Variants in WAC observed in about 807,000 individuals in gnomAD.
The protein encoded by WAC is WW domain containing adaptor with coiled-coil, also known as WW domain-containing adapter protein with coiled-coil.
Under a neutral mutation model 79.6 loss-of-function variants are expected in WAC, and 11 were observed. The ratio of observed to expected loss-of-function variants is 0.14; its 90% CI spans 0.09 to 0.23. The LOEUF (loss-of-function observed/expected upper bound fraction) is 0.23. WAC is among the 10% of genes least tolerant of loss of function. The pLI, the probability that WAC is intolerant of heterozygous loss-of-function variation, is 1.00. For missense variants in WAC, 728 were observed against 773.5 expected (o/e 0.94, Z 0.70); for synonymous variants, 304 against 276.9 (o/e 1.10, Z -0.97).
intron 7 of WAC, among the ~76,000 whole-genome samples, chr10:28,606,729 C>T (rs1840972828): frequency 1.3e-5 from 2 of 152,244 alleles, no homozygotes; most frequent in Admixed American, 1.3e-4. Context: ...AAACAGAGTG[C>T]TGTTGTGATA....
chr10:28,538,310 C>T, intron 3 of WAC: 1 of 332,888 alleles, frequency 3.0e-6, no homozygotes, highest in South Asian at 2.2e-5. Flanking sequence ...CAGGCCGGGT[C>T]AGTGGCTCAC....
At chr10:28,539,738 T>C (rs1170698160) in intron 3 of WAC, among the ~76,000 whole-genome samples, 1 of 152,128 alleles carries the variant, frequency 6.6e-6, no homozygotes, top group African/African-American at 2.4e-5. Context: ...TTTGTATTTT[T>C]AGTAGAAATA....
chr10:28,598,041 T>TA (rs1403045940), intron 7 of WAC, among the ~76,000 whole-genome samples: 1 of 152,180 alleles, frequency 6.6e-6, no homozygotes, highest in African/African-American at 2.4e-5. Context: ...GTGCTGGGAT[T>TA]ACAGGTGCGA....
intron 3 of WAC, among the ~76,000 whole-genome samples, chr10:28,560,864 T>C (rs985854380): frequency 3.9e-5 from 6 of 152,154 alleles, no homozygotes; most frequent in Admixed American, 6.5e-5. Context: ...ACTCCTGCTG[T>C]AGACAGGAAG....
intron 3 of WAC, among the ~76,000 whole-genome samples, chr10:28,567,796 C>G (rs1017232849): frequency 5.3e-5 from 8 of 152,218 alleles, no homozygotes; most frequent in South Asian, 2.1e-4. Context: ...ACTTTATAGC[C>G]CAAGCTGGAG....
intron 3 of WAC, among the ~76,000 whole-genome samples, chr10:28,577,978 C>T (rs1291181451): frequency 6.6e-6 from 1 of 152,036 alleles, no homozygotes; most frequent in Admixed American, 6.6e-5. Flanking sequence ...GCCTGGCCAA[C>T]AAAGTGAACG....
intron 3 of WAC, among the ~76,000 whole-genome samples, chr10:28,574,595 A>G (rs1156285530): frequency 1.3e-5 from 2 of 148,976 alleles, no homozygotes; most frequent in Non-Finnish European, 3.0e-5. Context: ...GGCACACAGC[A>G]CCGCACCCAG....
chr10:28,622,183 G>A lies in WAC; in HGVS notation c.*2577G>A, dbSNP rs1162677144. ...TGAGCCACCGCTCCTGGCCAGTAGT[G>A]AATTTTTAAACACAGAAAATCTAAA... On this transcript the variant is annotated 3_prime_UTR_variant, in exon 14 of 14. Transcript: ENST00000354911. The A allele has an allele frequency of 6.6e-6, 1 of 152,076 alleles. No homozygotes were observed. The highest frequency in any genetic ancestry group is 1.5e-5 in the Non-Finnish European group (1 of 67,984). The allele number at this position is 152,076 out of a possible 1,614,324, so 9.4% of individuals were successfully genotyped here. A position where few individuals can be genotyped will look rare whatever the true frequency, so the allele number is the denominator to read the frequency against.
intron 7 of WAC, among the ~76,000 whole-genome samples, chr10:28,601,742 A>G (rs963162360): frequency 2.0e-5 from 3 of 152,216 alleles, no homozygotes; most frequent in Non-Finnish European, 4.4e-5. Flanking sequence ...ATTCTGATAC[A>G]TGCTACAACA....
rs748252340 is a variant in WAC, at chr10:28,590,700, A to G, written c.498-20A>G. The stretch of plus-strand genomic sequence containing the variant: ...CCCTTAATGTAATTTTTATATGTTT[A>G]TCTTTTTTTTTATTTTTAGAGAACA... On this transcript the variant is annotated intron_variant, in intron 5 of 13. Transcript: ENST00000354911. 6.5e-7 allele frequency: 1 copy of G among 1,549,928 alleles called. No homozygotes were observed. Among genetic ancestry groups the G allele is most frequent in the Non-Finnish European group, 8.7e-7 (1 of 1,146,926 alleles).
intron 3 of WAC, among the ~76,000 whole-genome samples, chr10:28,552,872 T>TTTTTTTTTTTTA (rs1554780005): frequency 7.1e-6 from 1 of 140,622 alleles, no homozygotes. Flanking sequence ...TTTTTTTGTC[T>TTTTTTTTTTTTA]TCTTGGGTAA....
Position 28,595,587 on chromosome 10 carries a change from T to C in WAC, c.611-146T>C, listed in dbSNP as rs1840318985. Reference sequence around the variant, plus strand: ...ATGCTAGTGGTAAAACTGCAGACACTAACTGGGTTTGCAGTTTTATAAAAG... The same window carrying C: ...ATGCTAGTGGTAAAACTGCAGACACCAACTGGGTTTGCAGTTTTATAAAAG... On this transcript the variant is annotated intron_variant, in intron 6 of 13. Transcript: ENST00000354911. 4 of 758,682 alleles carry C rather than the reference T, an allele frequency of 5.3e-6. No homozygotes were observed. In the Admixed American group the frequency reaches 1.2e-4, roughly 22 times the overall value. 47.0% of individuals were successfully genotyped at this position (758,682 alleles called of 1,614,324 possible). A position where few individuals can be genotyped will look rare whatever the true frequency, so the allele number is the denominator to read the frequency against.
intron 3 of WAC, among the ~76,000 whole-genome samples, chr10:28,576,813 T>C (rs184501495): frequency 1.0e-3 from 154 of 152,318 alleles, no homozygotes; most frequent in African/African-American, 3.2e-3. Context: ...AGTTTTAAGT[T>C]TTTTAGTAGC....
chr10:28,533,665 C>A (rs1180564299), intron 1 of WAC, 45 bp downstream of exon 1: 17 of 1,425,542 alleles, frequency 1.2e-5, no homozygotes, highest in Non-Finnish European at 1.6e-5. Flanking sequence ...CGGGGGGCGG[C>A]GGCGGGGGGG....
In WAC at chr10:28,620,013, C is replaced by G. The variant is rs1841634159; in HGVS notation, c.*407C>G. The G allele has an allele frequency of 6.6e-6, 1 of 152,654 alleles. No homozygotes were observed. Among genetic ancestry groups the G allele is most frequent in the Non-Finnish European group, 1.5e-5 (1 of 68,922 alleles). The allele number at this position is 152,654 out of a possible 1,614,324, so 9.5% of individuals were successfully genotyped here. The stretch of plus-strand genomic sequence containing the variant: ...GTTAATTTATCATTCAGAAATCTTG[C>G]ATTTTCAAAAATTCAGTGCAAGCGC... On this transcript the variant is annotated 3_prime_UTR_variant, in exon 14 of 14. Coordinates refer to ENST00000354911, the MANE Select transcript of WAC (RefSeq NM_016628.5).
intron 3 of WAC, among the ~76,000 whole-genome samples, chr10:28,538,974 C>T (rs1247078236): frequency 2.6e-5 from 4 of 151,272 alleles, no homozygotes; most frequent in Non-Finnish European, 5.9e-5. Context: ...ATGTAAAAAA[C>T]TTAAGATTAC....
chr10:28,616,312 A>G lies in WAC; in HGVS notation c.1696A>G (p.Asn566Asp). Residue 566 changes from asparagine (N) to aspartate (D), a missense_variant, in exon 12 of 14, where the codon AAT becomes GAT. By Grantham distance (23) the Asn-to-Asp change is conservative. Around this residue, in one of 3 missense-constraint regions of WAC, gnomAD observed 14 missense variants for 33.1 expected, o/e 0.42. Transcript: ENST00000354911. ...TPALAAHFSENLIKHVQGWPA... is the reference protein window; with the variant it reads ...TPALAAHFSEDLIKHVQGWPA... ...TGCACTAGCAGCACACTTCAGTGAA[A>G]ATCTCATAAAACACGTTCAAGGATG... 6.2e-7 allele frequency: 1 copy of G among 1,613,648 alleles called. No individual in the cohort carries two copies. Among genetic ancestry groups the G allele is most frequent in the South Asian group, 1.1e-5 (1 of 91,036 alleles).
Position 28,611,759 on chromosome 10 carries a change from T to C in WAC, c.1289-15T>C. The C allele has an allele frequency of 6.2e-7, 1 of 1,602,382 alleles. No individual in the cohort carries two copies. The highest frequency in any genetic ancestry group is 8.5e-7 in the Non-Finnish European group (1 of 1,177,142). Reference sequence around the variant, plus strand: ...TTTGTTTTTCTTTAAAATTAATTGCTTCCCTCTTTTACAGCCCAGCCATCT... The same window carrying C: ...TTTGTTTTTCTTTAAAATTAATTGCCTCCCTCTTTTACAGCCCAGCCATCT... On this transcript the variant is annotated splice_polypyrimidine_tract_variant and intron_variant, in intron 9 of 13. Coordinates refer to ENST00000354911, the MANE Select transcript of WAC (RefSeq NM_016628.5).
intron 3 of WAC, among the ~76,000 whole-genome samples, chr10:28,563,678 C>T (rs1331219723): frequency 6.3e-5 from 9 of 143,780 alleles, no homozygotes; most frequent in Non-Finnish European, 1.4e-4. Context: ...CTCCTGGGTT[C>T]AAGCAATTCT....
Sources: allele counts gnomAD v4.1 joint callset (sites outside exome capture counted in the v4.1 genomes callset), GRCh38; gene constraint gnomAD v4.1.1; regional missense constraint gnomAD v4.1.1; transcripts MANE v1.5; gene names NCBI Gene and HGNC (gene_info 2026-07-23, HGNC 2026-07-21).